The following INTS7 variants were observed in gnomAD, a reference collection of about 807,000 sequenced individuals.
INTS7 encodes the protein integrator complex subunit 7, also known as chromosome 1 open reading frame 73.
In INTS7, 46 loss-of-function variants were observed where a neutral mutation model predicts 109.2. The observed-to-expected ratio is 0.42, with a 90% CI of 0.33 to 0.54. The LOEUF is 0.54. Ranked by LOEUF, INTS7 falls within the 20% of genes least tolerant of loss-of-function variation. The probability of loss-of-function intolerance (pLI) is 0.07; values close to 1 mark genes in which losing one functional copy is unlikely to be tolerated. For synonymous variants in INTS7, 412 were observed against 402.9 expected (o/e 1.02, Z -0.27); for missense variants, 929 against 1,132.4 (o/e 0.82, Z 2.58).
intron 6 of INTS7, 68 bp from the exon 7 acceptor site, chr1:212,006,829 GT>G: frequency 7.5e-7 from 1 of 1,334,076 alleles, no homozygotes; most frequent in Non-Finnish European, 1.0e-6. Flanking sequence ...ATGCAGTGTA[GT>G]TTAGTGAAAC....
At chr1:211,956,129 T>G (rs4951560) in intron 16 of INTS7, among the ~76,000 whole-genome samples, 50,486 of 152,070 alleles carry the variant, frequency 0.33, 9,374 homozygotes, top group Middle Eastern at 0.44. Context: ...CTTTTATATA[T>G]GTAGTTGTTC....
chr1:212,001,836 G>A (rs1189315365), intron 7 of INTS7, among the ~76,000 whole-genome samples: 1 of 152,070 alleles, frequency 6.6e-6, no homozygotes, highest in Non-Finnish European at 1.5e-5. Flanking sequence ...TCCTTTTCAG[G>A]CCCCTTTGCT....
chr1:212,021,825 G>A (rs1304036165), intron 1 of INTS7, among the ~76,000 whole-genome samples: 1 of 152,004 alleles, frequency 6.6e-6, no homozygotes, highest in African/African-American at 2.4e-5. Context: ...TCCAGCCTGG[G>A]CAGCAGTGCA....
chr1:212,024,468 T>C (rs1379082382), intron 1 of INTS7, among the ~76,000 whole-genome samples: 16 of 152,204 alleles, frequency 1.1e-4, no homozygotes, highest in Admixed American at 1.0e-3. Flanking sequence ...TTGGTCTTTC[T>C]TAATGCAGGT....
At position 211,985,925 on chromosome 1, in the gene INTS7, G is replaced by C. The variant is rs527274866; in HGVS notation, c.997+1961C>G. 3.9e-3 allele frequency among the ~76,000 whole-genome samples: 600 copies of C among 152,264 alleles called. 6 individuals carry two copies. The highest frequency in any genetic ancestry group is 0.017 in the Middle Eastern group (5 of 294). On this transcript the variant is annotated intron_variant, in intron 8 of 19. Transcript: ENST00000366994. ...ACACTGGGTGATTTATGCAGAAAAA[G>C]AATACATTGAAAGCACCCTAGGTAT...
intron 10 of INTS7, 21 bp from the exon 11 acceptor site, chr1:211,978,532 G>T (rs2102423605): frequency 6.2e-7 from 1 of 1,613,314 alleles, no homozygotes; most frequent in South Asian, 1.1e-5. Context: ...AAAAGAAAAT[G>T]AACTAGTTAC....
At chr1:211,987,859 A>G (rs1187209189) in intron 8 of INTS7, 27 bp downstream of exon 8, 1 of 1,254,560 alleles carries the variant, frequency 8.0e-7, no homozygotes, top group East Asian at 2.4e-5. Context: ...CACATTATTT[A>G]TATGGTATCT....
intron 1 of INTS7, chr1:212,030,816 T>C (rs1459256269): frequency 6.6e-6 from 1 of 152,224 alleles, no homozygotes; most frequent in African/African-American, 2.4e-5. Flanking sequence ...CATATTTGTT[T>C]ACTGAAACAC....
chr1:211,996,464 C>A (rs1229057889), intron 7 of INTS7, among the ~76,000 whole-genome samples: 1 of 151,792 alleles, frequency 6.6e-6, no homozygotes, highest in Non-Finnish European at 1.5e-5. Flanking sequence ...CTTTTCAAAC[C>A]CCTGAACTGT....
In INTS7 at chr1:211,990,285, T is replaced by TA. The variant is rs67427935; in HGVS notation, c.880-2283dup. Among the ~76,000 whole-genome samples the TA allele has an allele frequency of 2.2e-3, 327 of 145,820 alleles. 2 individuals are homozygous for TA. Among genetic ancestry groups the TA allele is most frequent in the South Asian group, 0.014 (63 of 4,638 alleles). ...TATAAAGGAAGTAGCACACAGCTGATAAAAAAAAAAAAAATGCAGTAGATC... is the reference window on the plus strand; with the variant it reads ...TATAAAGGAAGTAGCACACAGCTGATAAAAAAAAAAAAAAATGCAGTAGATC... On this transcript the variant is annotated intron_variant, in intron 7 of 19. Coordinates refer to ENST00000366994, the MANE Select transcript of INTS7 (RefSeq NM_015434.4).
At chr1:211,983,828 T>C (rs1664768965) in intron 8 of INTS7, among the ~76,000 whole-genome samples, 1 of 148,058 alleles carries the variant, frequency 6.8e-6, no homozygotes, top group Non-Finnish European at 1.5e-5. Context: ...GCCTCAGTGT[T>C]TTTTGGGTTT....
chr1:211,963,990 C>A (rs889213903), intron 16 of INTS7, among the ~76,000 whole-genome samples: 6 of 152,022 alleles, frequency 3.9e-5, no homozygotes, highest in Admixed American at 6.5e-5. Context: ...AAGTCCTGGC[C>A]AGAGCAATCA....
rs1018030734 is a variant in INTS7 at position 211,941,427 on chromosome 1, G to A, written c.*397C>T. On this transcript the variant is annotated 3_prime_UTR_variant, in exon 20 of 20. Coordinates refer to ENST00000366994, the MANE Select transcript of INTS7 (RefSeq NM_015434.4). Reference sequence around the variant, plus strand: ...GTCGCCCAGGCTGGAGCACAGTCTCGGCTCACTGCAAGCTCCGCCTCCCAG... The same window carrying A: ...GTCGCCCAGGCTGGAGCACAGTCTCAGCTCACTGCAAGCTCCGCCTCCCAG... 1.5e-4 allele frequency: 25 copies of A among 164,954 alleles called. No individual in the cohort carries two copies. Among genetic ancestry groups the A allele is most frequent in the Admixed American group, 1.0e-3 (17 of 16,352 alleles). The allele number at this position is 164,954 out of a possible 1,614,324, so 10.2% of individuals were successfully genotyped here.
chr1:211,982,683 T>C lies in INTS7; in HGVS notation c.1125A>G (p.Gln375=). The C allele has an allele frequency of 6.2e-7, 1 of 1,603,412 alleles. No individual in the cohort carries two copies. Among genetic ancestry groups the C allele is most frequent in the Non-Finnish European group, 8.5e-7 (1 of 1,175,010 alleles). Residue 375 remains glutamine, a synonymous_variant, in exon 9 of 20, where the codon CAA becomes CAG. Transcript: ENST00000366994. Reference sequence around the variant, plus strand: ...AGTCCTGATCAAACTTACCCTTTTCTTGACAAGAAACAGTTATATTAGTTA... The same window carrying C: ...AGTCCTGATCAAACTTACCCTTTTCCTGACAAGAAACAGTTATATTAGTTA... ...RVLTNITVSC[Q]EKDLLALEQD...
intron 13 of INTS7, among the ~76,000 whole-genome samples, chr1:211,970,007 C>T (rs1423474835): frequency 6.6e-6 from 1 of 152,126 alleles, no homozygotes; most frequent in Non-Finnish European, 1.5e-5. Flanking sequence ...TGAGAGCCAC[C>T]GCGCCTGGCT....
chr1:212,031,569 C>T (rs1298227102), intron 1 of INTS7, among the ~76,000 whole-genome samples: 2 of 152,210 alleles, frequency 1.3e-5, no homozygotes, highest in South Asian at 2.1e-4. Flanking sequence ...TCCTGACTAA[C>T]GGCACCACAT....
chr1:211,974,268 AAAAAAAAAATAT>A lies in INTS7; in HGVS notation c.1815+886_1815+897del, dbSNP rs1265129805. 2.4e-4 allele frequency among the ~76,000 whole-genome samples: 20 copies of A among 83,820 alleles called. 1 individual carries two copies. The highest frequency in any genetic ancestry group is 9.0e-4 in the African/African-American group (18 of 20,026). 55.0% of individuals were successfully genotyped at this position (83,820 alleles called of 152,430 possible). On this transcript the variant is annotated intron_variant, in intron 13 of 19. Coordinates refer to ENST00000366994, the MANE Select transcript of INTS7 (RefSeq NM_015434.4). ...ATAGGAAACAACAATCTCTTCCCAGAAAAAAAAAATATATATATATATATATATATATATATA... is the reference window on the plus strand; with the variant it reads ...ATAGGAAACAACAATCTCTTCCCAGAATATATATATATATATATATATATA...
At chr1:212,012,209 T>C (rs1256757153) in intron 4 of INTS7, among the ~76,000 whole-genome samples, 1 of 152,096 alleles carries the variant, frequency 6.6e-6, no homozygotes, top group Non-Finnish European at 1.5e-5. Flanking sequence ...AACTCCTGCT[T>C]TGCCACCCAG....
chr1:211,948,817 C>G (rs1414974553), intron 17 of INTS7, among the ~76,000 whole-genome samples: 1 of 152,228 alleles, frequency 6.6e-6, no homozygotes, highest in Non-Finnish European at 1.5e-5. Context: ...AAGCAATTCT[C>G]CAGCATCAGC....
Sources: allele counts gnomAD v4.1 joint callset (sites outside exome capture counted in the v4.1 genomes callset), GRCh38; gene constraint gnomAD v4.1.1; transcripts MANE v1.5; gene names NCBI Gene and HGNC (gene_info 2026-07-23, HGNC 2026-07-21).